TMEM51: variants seen among roughly 807,000 people sequenced by gnomAD.
TMEM51 encodes chromosome 1 open reading frame 72.
A neutral mutation model predicts 13.6 loss-of-function variants in TMEM51; 8 were observed. The observed-to-expected ratio is 0.59, with a 90% CI of 0.35 to 1.07. TMEM51 has a LOEUF of 1.07. Ranked by LOEUF, TMEM51 falls within the 50% of genes least tolerant of loss-of-function variation. The pLI is 0.02. For missense variants in TMEM51, 279 were observed against 330.7 expected (o/e 0.84, Z 1.21); for synonymous variants, 147 against 144.4 (o/e 1.02, Z -0.13).
At chr1:15,178,576 C>T (rs1019939318) in intron 1 of TMEM51, among the ~76,000 whole-genome samples, 2 of 152,190 alleles carry the variant, frequency 1.3e-5, no homozygotes, top group Non-Finnish European at 2.9e-5. Flanking sequence ...GCTTCCTGAC[C>T]CCCATCTGCT....
chr1:15,189,854 A>G (rs1209407382), intron 1 of TMEM51, among the ~76,000 whole-genome samples: 1 of 152,266 alleles, frequency 6.6e-6, no homozygotes, highest in Non-Finnish European at 1.5e-5. Context: ...ATAAGGCCTC[A>G]GGCAGCCCCG....
chr1:15,153,278 G>C (rs1642458468), upstream of TMEM51, among the ~76,000 whole-genome samples: 1 of 152,216 alleles, frequency 6.6e-6, no homozygotes, highest in African/African-American at 2.4e-5. Context: ...GGCTGGCGGA[G>C]CTGTGCCTCG....
chr1:15,193,186 G>A (rs742668), intron 1 of TMEM51, among the ~76,000 whole-genome samples: 115,173 of 152,166 alleles, frequency 0.76, 43,940 homozygotes, highest in East Asian at 0.96. Flanking sequence ...GGGGGTTTCT[G>A]AATTAGAGCC....
intron 1 of TMEM51, among the ~76,000 whole-genome samples, chr1:15,190,033 C>T (rs1643895038): frequency 6.6e-6 from 1 of 152,206 alleles, no homozygotes. Flanking sequence ...CATTAGCAAA[C>T]CTCTGCTTCT....
At chr1:15,170,355 T>TA (rs34269715) in intron 1 of TMEM51, among the ~76,000 whole-genome samples, 53,726 of 135,778 alleles carry the variant, frequency 0.4, 11,390 homozygotes, top group East Asian at 0.66. Context: ...GGTTTTTTTT[T>TA]ATCTTTTTTT....
At chr1:15,165,992 A>AT (rs1197950616) in intron 1 of TMEM51, among the ~76,000 whole-genome samples, 2 of 152,200 alleles carry the variant, frequency 1.3e-5, no homozygotes, top group African/African-American at 4.8e-5. Flanking sequence ...TTTGTAAAAA[A>AT]CAAAAAAGTA....
At chr1:15,159,897 G>C (rs1642717671) in intron 1 of TMEM51, among the ~76,000 whole-genome samples, 1 of 152,142 alleles carries the variant, frequency 6.6e-6, no homozygotes, top group Non-Finnish European at 1.5e-5. Context: ...CCATCCCCTG[G>C]CCTGAGAGGC....
chr1:15,164,101 A>G (rs895749750), intron 1 of TMEM51, among the ~76,000 whole-genome samples: 1 of 152,018 alleles, frequency 6.6e-6, no homozygotes, highest in African/African-American at 2.4e-5. Context: ...AAGTGCTGGG[A>G]TTACAGGCGT....
rs147879927 is a variant in TMEM51, at chr1:15,193,914, T to C, written c.-266-16576T>C. On this transcript the variant is annotated intron_variant, in intron 1 of 3. Transcript: ENST00000376008. ...GGGCATTGCCAGGGGTGTACAGAAT[T>C]AAACCTACATCCCACAGACTCCAAA... Among the ~76,000 whole-genome samples the C allele has an allele frequency of 6.3e-4, 96 of 152,310 alleles. 1 individual carries two copies. The highest frequency in any genetic ancestry group is 4.1e-3 in the South Asian group (20 of 4,828).
intron 2 of TMEM51, among the ~76,000 whole-genome samples, chr1:15,212,778 C>CA (rs1388707300): frequency 6.6e-6 from 1 of 152,260 alleles, no homozygotes; most frequent in Non-Finnish European, 1.5e-5. Context: ...CTGCACGCCA[C>CA]ACACATGCCC....
At position 15,219,517 on chromosome 1, in the gene TMEM51, T is replaced by G. The variant is rs754366706; in HGVS notation, c.536T>G (p.Val179Gly). ...ACCCCCACATCCACCAGGGCTGACG[T>G]GGAGGCCAGCCCTGGGAACCCCCCT... ...ETTPTSTRAD[V>G]EASPGNPPDR... The change falls in exon 4 of 4, where the codon GTG (valine) becomes GGG (glycine). Residue 179 changes from valine (V) to glycine (G), a missense_variant. Physicochemically the swap from Val to Gly is moderately radical, Grantham distance 109. Transcript: ENST00000376008. The G allele has an allele frequency of 8.7e-6, 14 of 1,613,848 alleles. No individual in the cohort carries two copies. Among genetic ancestry groups the G allele is most frequent in the Middle Eastern group, 1.6e-4 (1 of 6,084 alleles).
At chr1:15,165,943 AAGTT>A in intron 1 of TMEM51, among the ~76,000 whole-genome samples, 1 of 152,312 alleles carries the variant, frequency 6.6e-6, no homozygotes, top group African/African-American at 2.4e-5. Flanking sequence ...CTCAAAAAAA[AAGTT>A]AGGGTTATAA....
At chr1:15,194,943 G>C (rs12059134) in intron 1 of TMEM51, among the ~76,000 whole-genome samples, 1 of 95,594 alleles carries the variant, frequency 1.0e-5, no homozygotes, top group Non-Finnish European at 2.0e-5. Context: ...TTTTTTTTGA[G>C]ACAGGGTCTT....
intron 1 of TMEM51, among the ~76,000 whole-genome samples, chr1:15,163,184 G>A (rs984363754): frequency 6.6e-6 from 1 of 151,934 alleles, no homozygotes; most frequent in African/African-American, 2.4e-5. Flanking sequence ...CTGCCCTCTT[G>A]GAGCTTACAC....
chr1:15,191,745 A>ATTT, intron 1 of TMEM51: 14 of 286,508 alleles, frequency 4.9e-5, no homozygotes, highest in East Asian at 3.5e-4. Context: ...CTGGGGAGAA[A>ATTT]TTTTTTTTTT....
intron 1 of TMEM51, among the ~76,000 whole-genome samples, chr1:15,166,354 T>C (rs1642998037): frequency 6.6e-6 from 1 of 152,144 alleles, no homozygotes; most frequent in East Asian, 1.9e-4. Context: ...GGGCCTCCCT[T>C]CTGAGACTTA....
At chr1:15,204,024 C>A (rs889757803) in intron 1 of TMEM51, among the ~76,000 whole-genome samples, 2 of 152,234 alleles carry the variant, frequency 1.3e-5, no homozygotes, top group African/African-American at 4.8e-5. Flanking sequence ...TCTGTGACTT[C>A]TCTCCTTTTT....
rs76186592 is a variant in TMEM51 at position 15,155,732 on chromosome 1, G to A, written c.-267+1778G>A. On this transcript the variant is annotated intron_variant, in intron 1 of 3. Coordinates refer to ENST00000376008, the MANE Select transcript of TMEM51 (RefSeq NM_001136218.2). ...GAAAAGTAAAGGGAATGGAAGGTCC[G>A]GAGTGAGCTGGACTGGACAGGTGGG... 3.6e-3 allele frequency among the ~76,000 whole-genome samples: 544 copies of A among 152,246 alleles called. 2 individuals are homozygous for A. Among genetic ancestry groups the A allele is most frequent in the African/African-American group, 0.012 (515 of 41,526 alleles).
At chr1:15,171,345 T>C in intron 1 of TMEM51, 1 of 1,295,622 alleles carries the variant, frequency 7.7e-7, no homozygotes, top group Non-Finnish European at 1.0e-6. Flanking sequence ...TTATAGGAAT[T>C]AGTTCTTATG....
Sources: gnomAD v4.1 joint callset for allele counts (sites outside exome capture counted in the v4.1 genomes callset) on GRCh38, gnomAD v4.1.1 for gene constraint, MANE v1.5 for transcripts, NCBI Gene and HGNC (gene_info 2026-07-23, HGNC 2026-07-21) for gene names.